ERCC6: variants seen among roughly 807,000 people sequenced by gnomAD.
The protein encoded by ERCC6 is ERCC excision repair 6, chromatin remodeling factor.
Under a neutral mutation model 158.7 loss-of-function variants are expected in ERCC6, and 116 were observed. That is an observed-to-expected ratio of 0.73 (90% CI 0.63 to 0.85). The LOEUF is 0.85. Ranked by LOEUF, ERCC6 falls within the 40% of genes least tolerant of loss-of-function variation. The pLI is 0.00. For synonymous variants in ERCC6, 678 were observed against 659.3 expected, an observed-to-expected ratio of 1.03 and a Z score of -0.43; for missense variants, 1,698 against 1,799.4, an observed-to-expected ratio of 0.94 and a Z score of 1.02.
At chr10:49,500,463 C>G (rs1590435583) in intron 7 of ERCC6, 75 bp downstream of exon 7, 16 of 1,480,560 alleles carry the variant, frequency 1.1e-5, no homozygotes, top group South Asian at 7.9e-5. Context: ...TTCACAAGAC[C>G]CTCCTCCACA....
At chr10:49,526,240 A>C (rs1241710560) in intron 4 of ERCC6, among the ~76,000 whole-genome samples, 1 of 150,136 alleles carries the variant, frequency 6.7e-6, no homozygotes, top group Non-Finnish European at 1.5e-5. Context: ...ACTGTGTCAG[A>C]AAGTTCCAAC....
Position 49,516,763 on chromosome 10 carries a change from C to T in ERCC6, c.1397+7270G>A, listed in dbSNP as rs760332508. 96 of 1,613,926 alleles carry T rather than the reference C, an allele frequency of 5.9e-5. No homozygotes were observed. The highest frequency in any genetic ancestry group is 7.6e-5 in the Non-Finnish European group (90 of 1,180,026). ...CCTGCTACGGGTTGTACAGTTAGGT[C>T]GGCTTTTTTCCATTTGCAAAGAATT... On this transcript the variant is annotated intron_variant, in intron 5 of 20. Transcript: ENST00000355832.
chr10:49,521,306 G>T (rs773105266), intron 5 of ERCC6, among the ~76,000 whole-genome samples: 3 of 152,140 alleles, frequency 2.0e-5, no homozygotes, highest in Non-Finnish European at 4.4e-5. Context: ...TGGTCTTCTG[G>T]GCCACACAGG....
At chr10:49,518,324 G>A (rs1837047685) in intron 5 of ERCC6, among the ~76,000 whole-genome samples, 1 of 152,212 alleles carries the variant, frequency 6.6e-6, no homozygotes, top group Non-Finnish European at 1.5e-5. Context: ...AGCAAACCAA[G>A]CTGCGAGATC....
In ERCC6 at chr10:49,482,425, A is replaced by T. The variant is rs138443493; in HGVS notation, c.2169+262T>A. Among the ~76,000 whole-genome samples, 960 of 152,280 alleles carry T rather than the reference A, an allele frequency of 6.3e-3. 8 individuals carry two copies. The highest frequency in any genetic ancestry group is 0.031 in the Middle Eastern group (9 of 294). On this transcript the variant is annotated intron_variant, in intron 10 of 20. Transcript: ENST00000355832. Reference sequence around the variant, plus strand: ...TAAACATCCCAGGAACAATGCCAAAACTGTTTAATTTCCATTAAACAAGGA... The same window carrying T: ...TAAACATCCCAGGAACAATGCCAAATCTGTTTAATTTCCATTAAACAAGGA...
At chr10:49,481,932 T>C (rs1356335306) in intron 10 of ERCC6, among the ~76,000 whole-genome samples, 1 of 152,182 alleles carries the variant, frequency 6.6e-6, no homozygotes, top group African/African-American at 2.4e-5. Flanking sequence ...CTCCCTCTTG[T>C]GACTACCCTG....
chr10:49,532,077 G>A (rs997923059), intron 2 of ERCC6, among the ~76,000 whole-genome samples: 11 of 152,138 alleles, frequency 7.2e-5, no homozygotes, highest in African/African-American at 2.7e-4. Flanking sequence ...AAGAAAACCG[G>A]GGAGTCTTTA....
Position 49,470,460 on chromosome 10 carries a change from G to C in ERCC6, c.3500C>G (p.Ala1167Gly). ...TTCCATTTGTTTATTCTCCCAAAAA[G>C]CTTCTGTTTGAGCCTGGCTGGGTCT... ...RERPSQAQTE[A>G]FWENKQMENN... Residue 1167 changes from alanine (A) to glycine (G), a missense_variant, in exon 18 of 21, where the codon GCT becomes GGT. By Grantham distance (60) the Ala-to-Gly change is moderately conservative. Coordinates refer to ENST00000355832, the MANE Select transcript of ERCC6 (RefSeq NM_000124.4). 1 of 1,614,096 alleles carries C rather than the reference G, an allele frequency of 6.2e-7. No homozygotes were observed. The highest frequency in any genetic ancestry group is 8.5e-7 in the Non-Finnish European group (1 of 1,180,016).
chr10:49,531,217 C>G (rs4253023), intron 2 of ERCC6, among the ~76,000 whole-genome samples: 13,796 of 152,192 alleles, frequency 0.091, 829 homozygotes, highest in East Asian at 0.2. Context: ...GTTACGGAAG[C>G]CTTCCAAAGT....
At chr10:49,452,179 A>C (rs556005135), downstream of ERCC6, among the ~76,000 whole-genome samples, 49 of 151,572 alleles carry the variant, frequency 3.2e-4, no homozygotes, top group African/African-American at 1.2e-3. Context: ...TTCTTCAGTG[A>C]CTTAAGGTGG....
chr10:49,528,181 A>C, intron 4 of ERCC6, among the ~76,000 whole-genome samples: 1 of 152,244 alleles, frequency 6.6e-6, no homozygotes, highest in Non-Finnish European at 1.5e-5. Flanking sequence ...ATGTAATAAT[A>C]AATGTGTACC....
intron 4 of ERCC6, among the ~76,000 whole-genome samples, chr10:49,527,359 C>G (rs912594029): frequency 1.3e-5 from 2 of 152,174 alleles, no homozygotes; most frequent in Non-Finnish European, 2.9e-5. Context: ...CTAATGAATT[C>G]TGAGAGGCTG....
intron 5 of ERCC6, among the ~76,000 whole-genome samples, chr10:49,519,613 T>C (rs1248222416): frequency 6.6e-6 from 1 of 152,060 alleles, no homozygotes; most frequent in Non-Finnish European, 1.5e-5. Context: ...GTTTCTGAAC[T>C]CCCCACTATG....
downstream of ERCC6, among the ~76,000 whole-genome samples, chr10:49,451,682 G>C (rs1450868462): frequency 6.6e-6 from 1 of 152,080 alleles, no homozygotes; most frequent in Non-Finnish European, 1.5e-5. Flanking sequence ...TTTAGTTGAG[G>C]ATTTTTGCAG....
chr10:49,531,997 C>G (rs1244983845), intron 2 of ERCC6, among the ~76,000 whole-genome samples: 1 of 152,182 alleles, frequency 6.6e-6, no homozygotes, highest in Non-Finnish European at 1.5e-5. Context: ...CTCAAAACAG[C>G]TCAAGTCTTC....
Position 49,532,624 on chromosome 10 carries a change from T to G in ERCC6, c.341A>C (p.Asp114Ala), listed in dbSNP as rs1201447179. The change falls in exon 2 of 21, where the codon GAC becomes GCC. Residue 114 changes from aspartate (D) to alanine (A), a missense_variant. Transcript: ENST00000355832. ...ACGGCTGGCCTCATGGATGGCATTG[T>G]CCACCTGCTGAAGCACTCCCTGTTC... The part of the protein sequence containing the change: ...VLEQGVLQQV[D>A]NAIHEASRAS... 1.9e-6 allele frequency: 3 copies of G among 1,614,094 alleles called. No individual in the cohort carries two copies. Among genetic ancestry groups the G allele is most frequent in the Non-Finnish European group, 2.5e-6 (3 of 1,180,032 alleles).
rs1251251949 is a variant in ERCC6 at position 49,532,612 on chromosome 10, T to C, written c.353A>G (p.His118Arg). 6.2e-7 allele frequency: 1 copy of C among 1,614,224 alleles called. No homozygotes were observed. The highest frequency in any genetic ancestry group is 1.7e-5 in the Admixed American group (1 of 60,028). ...GAGCTGGGAGGCACGGCTGGCCTCA[T>C]GGATGGCATTGTCCACCTGCTGAAG... Reference protein sequence around the residue: ...GVLQQVDNAIHEASRASQLVD... With the variant: ...GVLQQVDNAIREASRASQLVD... Residue 118 changes from histidine (H) to arginine (R), a missense_variant, in exon 2 of 21, where the codon CAT (histidine) becomes CGT (arginine). His to Arg is a conservative substitution (Grantham distance 29). Transcript: ENST00000355832.
rs1046584167 is a variant in ERCC6, at chr10:49,472,443, G to T, written c.2857C>A (p.Gln953Lys). The change falls in exon 16 of 21, where the codon CAG becomes AAG. Residue 953 changes from glutamine to lysine, a missense_variant. Coordinates refer to ENST00000355832, the MANE Select transcript of ERCC6 (RefSeq NM_000124.4). ...QARERAWRIGQKKQVTVYRLL... is the reference protein window; with the variant it reads ...QARERAWRIGKKKQVTVYRLL... The stretch of plus-strand genomic sequence containing the variant: ...CTGTACACAGTCACTTGCTTCTTCT[G>T]GCCTATTCTCCATGCTCGCTCCCGG... The T allele has an allele frequency of 2.4e-5, 38 of 1,613,966 alleles. No individual in the cohort carries two copies. The highest frequency in any genetic ancestry group is 2.9e-5 in the Non-Finnish European group (34 of 1,180,028).
rs1564442882 is a variant in ERCC6, at chr10:49,524,727, C to G, written c.703G>C (p.Ala235Pro). ...CCAGTGCGGATGAGCTCTTCCCAGG[C>G]AGTCTCCTGGACAGGCATGAGCATG... ...GSMLMPVQETAWEELIRTGQM... is the reference protein window; with the variant it reads ...GSMLMPVQETPWEELIRTGQM... The change falls in exon 5 of 21, where the codon GCC (alanine) becomes CCC (proline). Residue 235 changes from alanine to proline, a missense_variant. Ala to Pro is a conservative substitution (Grantham distance 27, BLOSUM62 -1). Coordinates refer to ENST00000355832, the MANE Select transcript of ERCC6 (RefSeq NM_000124.4). The G allele has an allele frequency of 1.9e-6, 3 of 1,606,644 alleles. No homozygotes were observed. Among genetic ancestry groups the G allele is most frequent in the Non-Finnish European group, 2.5e-6 (3 of 1,180,014 alleles).
Sources: gnomAD v4.1 joint callset for allele counts (sites outside exome capture counted in the v4.1 genomes callset) on GRCh38, gnomAD v4.1.1 for gene constraint, MANE v1.5 for transcripts, NCBI Gene and HGNC (gene_info 2026-07-23, HGNC 2026-07-21) for gene names.